The following NAV3 variants were observed in gnomAD, a reference collection of about 807,000 sequenced individuals.
The protein encoded by NAV3 is neuron navigator 3.
Under a neutral mutation model 244.7 loss-of-function variants are expected in NAV3, and 87 were observed. That is an observed-to-expected ratio of 0.36 (90% CI 0.30 to 0.42). The LOEUF is 0.42. Ranked by LOEUF, NAV3 falls within the 20% of genes least tolerant of loss-of-function variation. The pLI is 1.00. For missense variants in NAV3, 2,663 were observed against 2,893.3 expected, an observed-to-expected ratio of 0.92 and a Z score of 1.83; for synonymous variants, 1,126 against 1,042.2, an observed-to-expected ratio of 1.08 and a Z score of -1.55.
At chr12:77,926,546 A>G (rs1888244413) in intron 1 of NAV3, among the ~76,000 whole-genome samples, 1 of 152,224 alleles carries the variant, frequency 6.6e-6, no homozygotes, top group Non-Finnish European at 1.5e-5. Context: ...TTTCACTTAC[A>G]TTAAAATACT....
intron 2 of NAV3, among the ~76,000 whole-genome samples, chr12:77,776,339 A>G: frequency 6.6e-6 from 1 of 152,248 alleles, no homozygotes. Context: ...TTTTGTATAC[A>G]TGTTGAAATC....
intron 2 of NAV3, among the ~76,000 whole-genome samples, chr12:77,678,365 G>A (rs901714648): frequency 5.3e-5 from 8 of 151,926 alleles, no homozygotes; most frequent in Non-Finnish European, 1.0e-4. Flanking sequence ...AACTTTTAAC[G>A]TTTACTAACG....
At chr12:77,685,400 C>T (rs1009790242) in intron 2 of NAV3, among the ~76,000 whole-genome samples, 1 of 151,912 alleles carries the variant, frequency 6.6e-6, no homozygotes, top group African/African-American at 2.4e-5. Flanking sequence ...TCATTTCTCT[C>T]TTTGTTCATT....
intron 5 of NAV3, among the ~76,000 whole-genome samples, chr12:77,978,161 C>T (rs1197023752): frequency 6.6e-6 from 1 of 151,990 alleles, no homozygotes; most frequent in Non-Finnish European, 1.5e-5. Flanking sequence ...AATATAAATA[C>T]ATTTGAAAGT....
At chr12:77,712,795 A>T (rs1565782721) in intron 2 of NAV3, among the ~76,000 whole-genome samples, 1 of 152,344 alleles carries the variant, frequency 6.6e-6, no homozygotes, top group East Asian at 1.9e-4. Flanking sequence ...GTGTAGAAAC[A>T]AAAGAAATTC....
At chr12:77,771,230 G>C (rs1051735467) in intron 2 of NAV3, among the ~76,000 whole-genome samples, 2 of 152,206 alleles carry the variant, frequency 1.3e-5, no homozygotes, top group East Asian at 1.9e-4. Context: ...TCTCACACCA[G>C]TTAGAATGGC....
chr12:77,861,122 G>A (rs1301278263), intron 1 of NAV3, among the ~76,000 whole-genome samples: 1 of 151,820 alleles, frequency 6.6e-6, no homozygotes, highest in Non-Finnish European at 1.5e-5. Flanking sequence ...CTCCTATGTA[G>A]TAGAGAAAAT....
chr12:78,137,143 A>G lies in NAV3; in HGVS notation c.4442-34A>G, dbSNP rs371285646. The G allele has an allele frequency of 4.2e-5, 65 of 1,563,446 alleles. No homozygotes were observed. The African/African-American group carries it at 7.8e-4, about 19-fold the overall frequency. ...CCTGCTATTTTCATCTTTCAAGCTT[A>G]AGAGTAATAGGCTCTGTGTGTTTTG... On this transcript the variant is annotated intron_variant, in intron 18 of 39. Coordinates refer to ENST00000397909, the MANE Select transcript of NAV3 (RefSeq NM_001024383.2).
chr12:77,931,759 C>T (rs1382283073), intron 1 of NAV3, among the ~76,000 whole-genome samples: 1 of 151,886 alleles, frequency 6.6e-6, no homozygotes, highest in Non-Finnish European at 1.5e-5. Flanking sequence ...CCCAGCTACT[C>T]GGGAGGCTGA....
At chr12:77,973,540 G>T (rs555854181) in intron 5 of NAV3, among the ~76,000 whole-genome samples, 1 of 152,084 alleles carries the variant, frequency 6.6e-6, no homozygotes, top group Non-Finnish European at 1.5e-5. Context: ...TTTTCTGAAC[G>T]GCTTGGCTGT....
chr12:77,728,098 A>G (rs1362839118), intron 2 of NAV3, among the ~76,000 whole-genome samples: 5 of 151,898 alleles, frequency 3.3e-5, no homozygotes. Flanking sequence ...CTACGATTCC[A>G]TCCTAGTAGA....
intron 2 of NAV3, among the ~76,000 whole-genome samples, chr12:77,632,921 A>T (rs1871979878): frequency 6.6e-6 from 1 of 152,148 alleles, no homozygotes; most frequent in Non-Finnish European, 1.5e-5. Flanking sequence ...CCTGATAGGT[A>T]CCTAGAAATG....
intron 2 of NAV3, among the ~76,000 whole-genome samples, chr12:77,782,892 C>A (rs181461591): frequency 4.4e-4 from 67 of 152,126 alleles, no homozygotes; most frequent in African/African-American, 1.5e-3. Context: ...TCTTTCCCTT[C>A]CTCTTAGTGT....
In NAV3 at chr12:78,119,754, A is replaced by G. The variant is rs2138630435; in HGVS notation, c.3558A>G (p.Ser1186=). ...SKLREPTKIG[S]GRSSPVTVNQ... ...TGAGAGAACCAACTAAAATTGGGTC[A>G]GGGCGCTCGAGTCCTGTCACCGTCA... Residue 1186 remains serine (S), a synonymous_variant, in exon 15 of 40, where the codon TCA becomes TCG. Transcript: ENST00000397909. 6.2e-7 allele frequency: 1 copy of G among 1,614,144 alleles called. No individual in the cohort carries two copies.
At chr12:78,175,564 C>T (rs1372878265) in intron 25 of NAV3, 137 bp downstream of exon 25, 5 of 1,096,138 alleles carry the variant, frequency 4.6e-6, no homozygotes, top group Non-Finnish European at 6.4e-6. Flanking sequence ...ATGCTGCACT[C>T]ATCACCAAAA....
intron 2 of NAV3, among the ~76,000 whole-genome samples, chr12:77,712,401 C>A (rs1157135380): frequency 1.3e-5 from 2 of 152,110 alleles, no homozygotes; most frequent in Non-Finnish European, 2.9e-5. Flanking sequence ...TGCACATGGG[C>A]TCTCTCTATG....
rs143238372 is a variant in NAV3 at position 77,609,413 on chromosome 12, G to A, written c.72+37147G>A. Among the ~76,000 whole-genome samples the A allele has an allele frequency of 2.3e-3, 352 of 152,082 alleles. 2 individuals are homozygous for A. The highest frequency in any genetic ancestry group is 7.9e-3 in the African/African-American group (329 of 41,512). On this transcript the variant is annotated intron_variant, in intron 2 of 8. Coordinates refer to the NAV3 transcript ENST00000550042. ...GATTAAGAGACATCAAATGTGGAAC[G>A]GAAAATTTCTTTTATTCCTTCTAGT... is the stretch of plus-strand genomic sequence containing the variant.
At chr12:77,676,833 CA>C (rs200183288) in intron 2 of NAV3, among the ~76,000 whole-genome samples, 1 of 151,404 alleles carries the variant, frequency 6.6e-6, no homozygotes, top group South Asian at 2.1e-4. Context: ...CCCTCCCCTC[CA>C]AAAAAAACCC....
chr12:77,645,731 G>T (rs575622861), intron 2 of NAV3, among the ~76,000 whole-genome samples: 6 of 152,074 alleles, frequency 3.9e-5, no homozygotes, highest in African/African-American at 1.4e-4. Flanking sequence ...ATCAAGTAAT[G>T]TCTCATTTAC....
Sources: allele counts gnomAD v4.1 joint callset (sites outside exome capture counted in the v4.1 genomes callset), GRCh38; gene constraint gnomAD v4.1.1; transcripts MANE v1.5; gene names NCBI Gene and HGNC (gene_info 2026-07-23, HGNC 2026-07-21).